Variants in ERBB4 observed in about 807,000 individuals in gnomAD.
ERBB4 encodes the protein receptor tyrosine-protein kinase erbB-4.
In ERBB4, 42 loss-of-function variants were observed where a neutral mutation model predicts 158.0. The ratio of observed to expected loss-of-function variants is 0.27; its 90% CI spans 0.21 to 0.34. The LOEUF (loss-of-function observed/expected upper bound fraction) is 0.34. Among genes scored for constraint, ERBB4 ranks in the 10% least tolerant of loss-of-function variants. The probability of loss-of-function intolerance (pLI) is 1.00; values close to 1 mark genes in which losing one functional copy is unlikely to be tolerated. For missense variants in ERBB4, 1,333 were observed against 1,624.1 expected (o/e 0.82, Z 3.08); for synonymous variants, 583 against 558.7 (o/e 1.04, Z -0.61).
At chr2:212,115,554 T>C (rs974881291) in intron 2 of ERBB4, among the ~76,000 whole-genome samples, 2 of 152,222 alleles carry the variant, frequency 1.3e-5, no homozygotes, top group African/African-American at 4.8e-5. Flanking sequence ...TCCTTGCTGT[T>C]CCCAAATAAA....
At chr2:211,773,619 T>TTATATATATATATA (rs2075778982) in intron 4 of ERBB4, among the ~76,000 whole-genome samples, 2 of 58,052 alleles carry the variant, frequency 3.4e-5, no homozygotes, top group African/African-American at 1.7e-4. Context: ...TATATATATA[T>TTATATATATATATA]ATATATATAT....
intron 25 of ERBB4, among the ~76,000 whole-genome samples, chr2:211,404,491 A>G (rs912769263): frequency 6.6e-6 from 1 of 152,152 alleles, no homozygotes; most frequent in South Asian, 2.1e-4. Flanking sequence ...GAAGTACCTC[A>G]ATGTCCCTCA....
At chr2:211,436,877 C>A (rs1393368171) in intron 20 of ERBB4, among the ~76,000 whole-genome samples, 1 of 152,012 alleles carries the variant, frequency 6.6e-6, no homozygotes, top group African/African-American at 2.4e-5. Context: ...AGATTTGGTG[C>A]CCTCTATAAA....
At chr2:212,225,782 A>C (rs1458929678) in intron 1 of ERBB4, among the ~76,000 whole-genome samples, 1 of 151,550 alleles carries the variant, frequency 6.6e-6, no homozygotes, top group East Asian at 1.9e-4. Flanking sequence ...TTTCTCTTTA[A>C]ATTATTTCCA....
chr2:212,447,393 TA>T (rs34329017), intron 1 of ERBB4, among the ~76,000 whole-genome samples: 24,654 of 152,128 alleles, frequency 0.16, 2,550 homozygotes, highest in Non-Finnish European at 0.23. Context: ...TTTTCTATTT[TA>T]AAAAAATGTG....
chr2:211,388,044 G>T lies in ERBB4; in HGVS notation c.3136-52C>A, dbSNP rs772306265. On this transcript the variant is annotated intron_variant, in intron 25 of 27. Coordinates refer to ENST00000342788, the MANE Select transcript of ERBB4 (RefSeq NM_005235.3). ...GGATATAATAAGAGGCAATATGAAT[G>T]AAAAAATTAAAAAAAGAAACGAAAA... 1.3e-5 allele frequency: 17 copies of T among 1,305,528 alleles called. No homozygotes were observed. The African/African-American group carries it at 2.0e-4, about 16-fold the overall frequency. The allele number at this position is 1,305,528 out of a possible 1,614,324, so 80.9% of individuals were successfully genotyped here. A position where few individuals can be genotyped will look rare whatever the true frequency, so the allele number is the denominator to read the frequency against.
intron 9 of ERBB4, among the ~76,000 whole-genome samples, chr2:211,709,274 T>TATATATACACATATATATATATATATAC (rs1553615210): frequency 2.9e-5 from 4 of 136,558 alleles, no homozygotes; most frequent in African/African-American, 1.1e-4. Context: ...TATATATATA[T>TATATATACACATATATATATATATATAC]ACATACATAT....
chr2:211,600,798 A>G (rs1250912885), intron 19 of ERBB4, among the ~76,000 whole-genome samples: 1 of 152,158 alleles, frequency 6.6e-6, no homozygotes, highest in Non-Finnish European at 1.5e-5. Flanking sequence ...CCACATGGTG[A>G]GCCAAACTAC....
intron 18 of ERBB4, among the ~76,000 whole-genome samples, chr2:211,621,011 A>T (rs34278814): frequency 0.15 from 22,195 of 152,098 alleles, 2,029 homozygotes; most frequent in East Asian, 0.22. Flanking sequence ...GCTACTCAGG[A>T]GGCTGAGGTG....
chr2:212,416,960 G>C (rs1391581716), intron 1 of ERBB4, among the ~76,000 whole-genome samples: 1 of 152,032 alleles, frequency 6.6e-6, no homozygotes, highest in African/African-American at 2.4e-5. Flanking sequence ...GCTTTGATAA[G>C]ATAGTATCAT....
chr2:212,177,007 G>A (rs2081685702), intron 1 of ERBB4, among the ~76,000 whole-genome samples: 1 of 151,304 alleles, frequency 6.6e-6, no homozygotes, highest in Admixed American at 6.6e-5. Context: ...AAAGAGAGAG[G>A]AATTTCAGTA....
At chr2:211,582,628 G>T (rs994873474) in intron 19 of ERBB4, among the ~76,000 whole-genome samples, 2 of 152,034 alleles carry the variant, frequency 1.3e-5, no homozygotes, top group African/African-American at 4.8e-5. Context: ...ACTGACATAG[G>T]TTACTTAGAT....
At chr2:211,432,696 A>C (rs2063769705) in intron 20 of ERBB4, among the ~76,000 whole-genome samples, 1 of 152,128 alleles carries the variant, frequency 6.6e-6, no homozygotes, top group Admixed American at 6.5e-5. Context: ...ACAAATGTTC[A>C]TGAAACATTC....
Position 211,746,375 on chromosome 2 carries a change from T to C in ERBB4, c.622+4264A>G, listed in dbSNP as rs1434081433. On this transcript the variant is annotated intron_variant, in intron 5 of 27. Transcript: ENST00000342788. ...GGTAGGCTTTGTGGAGTAAGCACAG[T>C]GGCCGTTAAGCCAATTTTGGATTAC... is the stretch of plus-strand genomic sequence containing the variant. 5.3e-5 allele frequency among the ~76,000 whole-genome samples: 8 copies of C among 152,354 alleles called. No homozygotes were observed. In the East Asian group the frequency reaches 1.5e-3, roughly 29 times the overall value.
chr2:211,644,902 T>C (rs181138761), intron 16 of ERBB4, among the ~76,000 whole-genome samples: 2 of 152,110 alleles, frequency 1.3e-5, no homozygotes, highest in African/African-American at 4.8e-5. Context: ...TAGAAAATTA[T>C]CTAAGCAAAT....
intron 1 of ERBB4, among the ~76,000 whole-genome samples, chr2:212,329,943 T>G (rs1179580276): frequency 1.3e-5 from 2 of 152,080 alleles, no homozygotes; most frequent in Admixed American, 6.6e-5. Flanking sequence ...ACTGAGGATG[T>G]TCTAAAAGAG....
intron 3 of ERBB4, among the ~76,000 whole-genome samples, chr2:211,900,381 C>A (rs547738519): frequency 1.3e-5 from 2 of 151,634 alleles, no homozygotes; most frequent in South Asian, 2.1e-4. Flanking sequence ...TAAACACACA[C>A]ACACACACAC....
chr2:211,857,233 G>A (rs945375804), intron 3 of ERBB4, among the ~76,000 whole-genome samples: 7 of 150,912 alleles, frequency 4.6e-5, no homozygotes, highest in African/African-American at 1.7e-4. Context: ...TTTTGCAACT[G>A]ATATTTTAAA....
chr2:212,358,131 A>G (rs572064696), intron 1 of ERBB4, among the ~76,000 whole-genome samples: 1 of 151,884 alleles, frequency 6.6e-6, no homozygotes, highest in African/African-American at 2.4e-5. Flanking sequence ...AAAAGAACGG[A>G]TACCAATTTT....
Sources: gnomAD v4.1 joint callset for allele counts (sites outside exome capture counted in the v4.1 genomes callset) on GRCh38, gnomAD v4.1.1 for gene constraint, MANE v1.5 for transcripts, NCBI Gene and HGNC (gene_info 2026-07-23, HGNC 2026-07-21) for gene names.